BTRC: variants seen among roughly 807,000 people sequenced by gnomAD.
BTRC encodes the protein beta-transducin repeat containing E3 ubiquitin protein ligase.
Under a neutral mutation model 85.5 loss-of-function variants are expected in BTRC, and 42 were observed. The observed-to-expected ratio is 0.49, with a 90% CI of 0.38 to 0.64. The LOEUF (loss-of-function observed/expected upper bound fraction) is 0.64. BTRC is among the 30% of genes least tolerant of loss of function. BTRC has a pLI of 0.00. For missense variants in BTRC, 594 were observed against 743.5 expected, an observed-to-expected ratio of 0.80 and a Z score of 2.34; for synonymous variants, 255 against 263.3, an observed-to-expected ratio of 0.97 and a Z score of 0.30.
intron 6 of BTRC, among the ~76,000 whole-genome samples, chr10:101,528,174 A>G (rs557094426): frequency 1.3e-5 from 2 of 152,330 alleles, no homozygotes; most frequent in African/African-American, 4.8e-5. Context: ...GTTAAAATAC[A>G]TTGTGTTCCC....
chr10:101,461,148 C>T (rs1258274350), intron 2 of BTRC, among the ~76,000 whole-genome samples: 3 of 152,088 alleles, frequency 2.0e-5, no homozygotes, highest in South Asian at 2.1e-4. Flanking sequence ...ATGATCTGCC[C>T]GCCTTGGCCT....
At chr10:101,474,614 T>G (rs1252167701) in intron 3 of BTRC, among the ~76,000 whole-genome samples, 4 of 152,234 alleles carry the variant, frequency 2.6e-5, no homozygotes, top group Non-Finnish European at 5.9e-5. Flanking sequence ...TGTGGTTCTC[T>G]TTCATTTCTG....
At chr10:101,393,763 T>C (rs914684210) in intron 1 of BTRC, among the ~76,000 whole-genome samples, 1 of 152,176 alleles carries the variant, frequency 6.6e-6, no homozygotes, top group Non-Finnish European at 1.5e-5. Context: ...CCCTGGAGGA[T>C]CATCTTGCCT....
chr10:101,416,995 A>C (rs922970173), intron 1 of BTRC, among the ~76,000 whole-genome samples: 8 of 130,410 alleles, frequency 6.1e-5, no homozygotes, highest in Non-Finnish European at 9.5e-5. Context: ...AAGAGTTGTA[A>C]GTAAAATGCA....
At chr10:101,441,879 C>CAA (rs35543012) in intron 2 of BTRC, among the ~76,000 whole-genome samples, 16,235 of 85,324 alleles carry the variant, frequency 0.19, 2,603 homozygotes, top group Non-Finnish European at 0.24. Context: ...GAGACTGTCT[C>CAA]AAAAAAAAAA....
chr10:101,395,149 C>T (rs897917744), intron 1 of BTRC, among the ~76,000 whole-genome samples: 1 of 152,094 alleles, frequency 6.6e-6, no homozygotes, highest in East Asian at 1.9e-4. Flanking sequence ...GGAGTTGAGG[C>T]CTCACACAGA....
In BTRC at chr10:101,506,490, T is replaced by C. The variant is rs192379506; in HGVS notation, c.325-15149T>C. ...TACAGATTTGTTTTCAGCCCTGTTA[T>C]CAGTCTTGGGGGTGGGGAGGACAGG... On this transcript the variant is annotated intron_variant, in intron 4 of 14. Transcript: ENST00000370187. 1.8e-4 allele frequency among the ~76,000 whole-genome samples: 27 copies of C among 152,302 alleles called. No homozygotes were observed. In the East Asian group the frequency reaches 5.0e-3, roughly 28 times the overall value.
intron 2 of BTRC, among the ~76,000 whole-genome samples, chr10:101,447,512 G>A (rs934761640): frequency 6.6e-6 from 1 of 152,072 alleles, no homozygotes; most frequent in Admixed American, 6.5e-5. Flanking sequence ...AGCTATTATG[G>A]TATTCACTAA....
chr10:101,522,998 G>A (rs2062141099), intron 5 of BTRC, among the ~76,000 whole-genome samples: 1 of 152,138 alleles, frequency 6.6e-6, no homozygotes, highest in Admixed American at 6.5e-5. Context: ...GAGGTCAAGA[G>A]TTCGAGACCA....
At chr10:101,485,985 C>T (rs1945974760) in intron 4 of BTRC, among the ~76,000 whole-genome samples, 1 of 152,198 alleles carries the variant, frequency 6.6e-6, no homozygotes, top group African/African-American at 2.4e-5. Context: ...CTCGTTTTGG[C>T]TCTGTACTTA....
chr10:101,468,717 G>A (rs558686462), intron 3 of BTRC, among the ~76,000 whole-genome samples: 1 of 152,310 alleles, frequency 6.6e-6, no homozygotes, highest in Non-Finnish European at 1.5e-5. Flanking sequence ...CTATAGGGCT[G>A]CTGAACAGAT....
chr10:101,364,769 A>T (rs1187199635), intron 1 of BTRC: 1 of 152,058 alleles, frequency 6.6e-6, no homozygotes, highest in East Asian at 1.9e-4. Flanking sequence ...CTGAAAATAT[A>T]CTAGTAAATA....
intron 2 of BTRC, among the ~76,000 whole-genome samples, chr10:101,434,172 G>T (rs1944468439): frequency 6.6e-6 from 1 of 152,106 alleles, no homozygotes; most frequent in Admixed American, 6.6e-5. Flanking sequence ...TGTTATTTTG[G>T]TTGACATATG....
In BTRC at chr10:101,529,986, A is replaced by G. The variant is rs145291027; in HGVS notation, c.744-1251A>G. 8.3e-3 allele frequency among the ~76,000 whole-genome samples: 1,269 copies of G among 152,316 alleles called. 23 individuals are homozygous for G. Among genetic ancestry groups the G allele is most frequent in the Admixed American group, 0.033 (499 of 15,304 alleles). ...CATAGTGGGGTTTACTAGCTTCCAC[A>G]CCGTGTTTGGTGGGTTCTTAACTTC... On this transcript the variant is annotated intron_variant, in intron 6 of 14. Transcript: ENST00000370187.
intron 2 of BTRC, among the ~76,000 whole-genome samples, chr10:101,446,485 C>G (rs1944830365): frequency 6.6e-6 from 1 of 152,282 alleles, no homozygotes; most frequent in Admixed American, 6.5e-5. Context: ...GTAATTGTGA[C>G]TAAGAATTAT....
intron 2 of BTRC, among the ~76,000 whole-genome samples, chr10:101,440,636 C>T (rs1217975307): frequency 2.0e-5 from 3 of 151,864 alleles, no homozygotes; most frequent in Non-Finnish European, 2.9e-5. Flanking sequence ...GTGGGAGGAT[C>T]GCTTAAGCCT....
At chr10:101,471,326 C>T (rs1486628351) in intron 3 of BTRC, among the ~76,000 whole-genome samples, 2 of 152,016 alleles carry the variant, frequency 1.3e-5, no homozygotes, top group African/African-American at 2.4e-5. Context: ...GAGTTGGAGG[C>T]TACAGTGAGT....
At chr10:101,547,403 C>G (rs1388984364) in intron 13 of BTRC, among the ~76,000 whole-genome samples, 2 of 135,070 alleles carry the variant, frequency 1.5e-5, no homozygotes, top group Non-Finnish European at 3.0e-5. Flanking sequence ...TGCAATGGCG[C>G]AATCTCGGCT....
At position 101,479,367 on chromosome 10, in the gene BTRC, G is replaced by T; in HGVS notation, c.235-1G>T. On this transcript the variant is annotated splice_acceptor_variant, in intron 3 of 14. Coordinates refer to ENST00000370187, the MANE Select transcript of BTRC (RefSeq NM_033637.4). LOFTEE classifies it high-confidence loss of function. ...CTGTTTCCAACAAATTCTCTTTACA[G>T]ACATACAACAGCTGTGCCAGACTCT... is the stretch of plus-strand genomic sequence containing the variant. 6.2e-7 allele frequency: 1 copy of T among 1,610,548 alleles called. No homozygotes were observed. The highest frequency in any genetic ancestry group is 1.1e-5 in the South Asian group (1 of 90,858).
Sources: gnomAD v4.1 joint callset for allele counts (sites outside exome capture counted in the v4.1 genomes callset) on GRCh38, gnomAD v4.1.1 for gene constraint, MANE v1.5 for transcripts, NCBI Gene and HGNC (gene_info 2026-07-23, HGNC 2026-07-21) for gene names.